Variants in SLITRK4 observed in about 807,000 individuals in gnomAD.
SLITRK4 encodes the protein SLIT and NTRK like family member 4, also known as SLIT and NTRK-like protein 4.
In SLITRK4, 7 loss-of-function variants were observed where a neutral mutation model predicts 34.7. The ratio of observed to expected loss-of-function variants is 0.20; its 90% CI spans 0.11 to 0.38. The LOEUF (loss-of-function observed/expected upper bound fraction) is 0.38. Ranked by LOEUF, SLITRK4 falls within the 10% of genes least tolerant of loss-of-function variation. The pLI, the probability that SLITRK4 is intolerant of heterozygous loss-of-function variation, is 1.00. For missense variants in SLITRK4, 474 were observed against 607.0 expected (o/e 0.78, Z 2.30); for synonymous variants, 237 against 246.2 (o/e 0.96, Z 0.35).
At position 143,624,571 on chromosome X, in the gene SLITRK4, T is replaced by G. The variant is rs1275336480; in HGVS notation, c.*4024A>C. ...GTTTTTTTTAACAGAGATTTAGCAG[T>G]TAAGTTGAATATAAACAGTAGGCTA... On this transcript the variant is annotated 3_prime_UTR_variant, in exon 2 of 2. Transcript: ENST00000356928. 9.0e-6 allele frequency: 1 copy of G among 111,107 alleles called. No homozygotes were observed. Among genetic ancestry groups the G allele is most frequent in the African/African-American group, 3.3e-5 (1 of 30,712 alleles). The allele number at this position is 111,107 out of a possible 1,213,427, so 9.2% of individuals were successfully genotyped here.
chrX:143,628,771 G>A lies in SLITRK4; in HGVS notation c.2338C>T (p.Arg780Cys), dbSNP rs782309385. Reference protein sequence around the residue: ...NSIGVSGFEIRYPEKQPDKKS... With the variant: ...NSIGVSGFEICYPEKQPDKKS... ...TTGTCTGGTTGTTTTTCTGGATAGCGGATCTCAAAGCCACTGACACCTATG... is the reference window on the plus strand; with the variant it reads ...TTGTCTGGTTGTTTTTCTGGATAGCAGATCTCAAAGCCACTGACACCTATG... The change falls in exon 2 of 2, where the codon CGC (arginine) becomes TGC (cysteine). Residue 780 changes from arginine (R) to cysteine (C), a missense_variant. Arg to Cys is a radical substitution (Grantham distance 180). Transcript: ENST00000356928. 17 of 1,208,988 alleles carry A rather than the reference G, an allele frequency of 1.4e-5. No individual in the cohort carries two copies. Among genetic ancestry groups the A allele is most frequent in the South Asian group, 1.1e-4 (6 of 56,617 alleles).
Position 143,627,838 on chromosome X carries a change from A to T in SLITRK4, c.*757T>A. ...TGTTAGTTTAATTTGAGCCATGTTT[A>T]ATTCTGATAAACGTCACATATTTCT... On this transcript the variant is annotated 3_prime_UTR_variant, in exon 2 of 2. Transcript: ENST00000356928. 1 of 123,194 alleles carries T rather than the reference A, an allele frequency of 8.1e-6. No individual in the cohort carries two copies. Among genetic ancestry groups the T allele is most frequent in the Non-Finnish European group, 1.7e-5 (1 of 59,902 alleles). 10.2% of individuals were successfully genotyped at this position (123,194 alleles called of 1,213,427 possible). A position where few individuals can be genotyped will look rare whatever the true frequency, so the allele number is the denominator to read the frequency against.
rs782497461 is a variant in SLITRK4 at position 143,628,091 on chromosome X, CTTTTTTTTTTTTTTTTTTT to C, written c.*485_*503del. 14 of 73,087 alleles carry C rather than the reference CTTTTTTTTTTTTTTTTTTT, an allele frequency of 1.9e-4. No homozygotes were observed. The highest frequency in any genetic ancestry group is 1.9e-3 in the South Asian group (1 of 534). 6.0% of individuals were successfully genotyped at this position (73,087 alleles called of 1,213,427 possible). A position where few individuals can be genotyped will look rare whatever the true frequency, so the allele number is the denominator to read the frequency against. Reference sequence around the variant, plus strand: ...CTATCGAGTGTTCTCTCTTTGCATGCTTTTTTTTTTTTTTTTTTTTTTTTTTTTTTTTTTTTACTTTTCA... The same window carrying C: ...CTATCGAGTGTTCTCTCTTTGCATGCTTTTTTTTTTTTTTTTTACTTTTCA... On this transcript the variant is annotated 3_prime_UTR_variant, in exon 2 of 2. Coordinates refer to ENST00000356928, the MANE Select transcript of SLITRK4 (RefSeq NM_001184749.3).
Position 143,625,736 on chromosome X carries a change from A to C in SLITRK4, c.*2859T>G, listed in dbSNP as rs1556425339. 1.8e-5 allele frequency: 2 copies of C among 111,818 alleles called. No individual in the cohort carries two copies. Among genetic ancestry groups the C allele is most frequent in the Non-Finnish European group, 3.8e-5 (2 of 52,923 alleles). The allele number at this position is 111,818 out of a possible 1,213,427, so 9.2% of individuals were successfully genotyped here. A position where few individuals can be genotyped will look rare whatever the true frequency, so the allele number is the denominator to read the frequency against. On this transcript the variant is annotated 3_prime_UTR_variant, in exon 2 of 2. Coordinates refer to ENST00000356928, the MANE Select transcript of SLITRK4 (RefSeq NM_001184749.3). ...CTCAAAACTTATACCTAACTACATT[A>C]TCATAAAATGTACAACTAGAACTAA...
intron 1 of SLITRK4, 31 bp from the exon 2 acceptor site, chrX:143,631,189 T>C: frequency 1.2e-6 from 1 of 803,710 alleles, no homozygotes; most frequent in Non-Finnish European, 1.7e-6. Context: ...ATTTTTTCAA[T>C]GGTCATTACT....
rs1930741436 is a variant in SLITRK4 at position 143,625,078 on chromosome X, C to T, written c.*3517G>A. ...CAAAAAATGTTATAGATTAATATTA[C>T]CACCATACATTTCTAGACGTGTTCT... On this transcript the variant is annotated 3_prime_UTR_variant, in exon 2 of 2. Transcript: ENST00000356928. The T allele has an allele frequency of 9.0e-6, 1 of 111,120 alleles. No homozygotes were observed. Among genetic ancestry groups the T allele is most frequent in the Non-Finnish European group, 1.9e-5 (1 of 52,731 alleles). 9.2% of individuals were successfully genotyped at this position (111,120 alleles called of 1,213,427 possible).
Position 143,631,043 on chromosome X carries a change from T to C in SLITRK4, c.66A>G (p.Ile22Met). 8.3e-7 allele frequency: 1 copy of C among 1,202,031 alleles called. No individual in the cohort carries two copies. The highest frequency in any genetic ancestry group is 1.1e-6 in the Non-Finnish European group (1 of 892,518). The change falls in exon 2 of 2, where the codon ATA (isoleucine) becomes ATG (methionine). Residue 22 changes from isoleucine to methionine, a missense_variant. Ile to Met is a conservative substitution (Grantham distance 10, BLOSUM62 1). Transcript: ENST00000356928. ...LISSTNADSD[I>M]SVEICNVCSC... ...AACACACATTGCAAATTTCCACCGA[T>C]ATGTCAGAATCTGCATTTGTCGAAG...
In SLITRK4 at chrX:143,630,866, A is replaced by G. The variant is rs782320707; in HGVS notation, c.243T>C (p.Asn81=). 6 of 1,205,818 alleles carry G rather than the reference A, an allele frequency of 5.0e-6. No homozygotes were observed. The highest frequency in any genetic ancestry group is 6.7e-6 in the Non-Finnish European group (6 of 894,005). Residue 81 remains asparagine, a synonymous_variant, in exon 2 of 2, where the codon AAT becomes AAC. Coordinates refer to ENST00000356928, the MANE Select transcript of SLITRK4 (RefSeq NM_001184749.3). ...LNILYPNTFL[N]FSHAVSLHLG... ...GATGCAGGGAGACTGCATGTGAAAA[A>G]TTCAAGAATGTATTTGGATACAGAA...
At position 143,627,928 on chromosome X, in the gene SLITRK4, A is replaced by G; in HGVS notation, c.*667T>C. Reference sequence around the variant, plus strand: ...TTCTTTTAGATTTTTATGTATAGACAGGTAATGCTTAAAGTGTTCAAATTT... The same window carrying G: ...TTCTTTTAGATTTTTATGTATAGACGGGTAATGCTTAAAGTGTTCAAATTT... On this transcript the variant is annotated 3_prime_UTR_variant, in exon 2 of 2. Transcript: ENST00000356928. 4.8e-6 allele frequency: 1 copy of G among 206,235 alleles called. No individual in the cohort carries two copies. The highest frequency in any genetic ancestry group is 8.8e-6 in the Non-Finnish European group (1 of 114,207). The allele number at this position is 206,235 out of a possible 1,213,427, so 17.0% of individuals were successfully genotyped here. A position where few individuals can be genotyped will look rare whatever the true frequency, so the allele number is the denominator to read the frequency against.
intron 1 of SLITRK4, among the ~76,000 whole-genome samples, chrX:143,635,385 A>G (rs1931203013): frequency 9.7e-6 from 1 of 102,987 alleles, no homozygotes; most frequent in African/African-American, 3.6e-5. Flanking sequence ...TGGAGACCCC[A>G]GTCCTCTAAC....
chrX:143,628,520 T>C lies in SLITRK4; in HGVS notation c.*75A>G. 3.6e-6 allele frequency: 3 copies of C among 837,266 alleles called. No homozygotes were observed. Among genetic ancestry groups the C allele is most frequent in the Non-Finnish European group, 5.1e-6 (3 of 591,490 alleles). 69.0% of individuals were successfully genotyped at this position (837,266 alleles called of 1,213,427 possible). A position where few individuals can be genotyped will look rare whatever the true frequency, so the allele number is the denominator to read the frequency against. ...TCCATGCCTATTGATAATATAGTAT[T>C]TGGAAGTTAGAAGTCAACAAAAGGC... On this transcript the variant is annotated 3_prime_UTR_variant, in exon 2 of 2. Transcript: ENST00000356928.
rs782110916 is a variant in SLITRK4, at chrX:143,631,130, C to T, written c.-22G>A. On this transcript the variant is annotated 5_prime_UTR_variant, in exon 2 of 2. Coordinates refer to ENST00000356928, the MANE Select transcript of SLITRK4 (RefSeq NM_001184749.3). ...ACATCTTCTTGCAATCAGCAAACAA[C>T]TGTATGCTTCTGAATAAAGAGAAAT... is the stretch of plus-strand genomic sequence containing the variant. 4.8e-6 allele frequency: 5 copies of T among 1,051,248 alleles called. No homozygotes were observed. The highest frequency in any genetic ancestry group is 6.4e-6 in the Non-Finnish European group (5 of 784,781). 86.6% of individuals were successfully genotyped at this position (1,051,248 alleles called of 1,213,427 possible).
In SLITRK4 at chrX:143,631,075, G is replaced by A. The variant is rs1556428385; in HGVS notation, c.34C>T (p.Leu12=). ...FLWLFLILSA[L]ISSTNADSDI... ...GAATCTGCATTTGTCGAAGAAATCA[G>A]GGCTGACAAAATCAGAAACAGCCAC... The change falls in exon 2 of 2, where the codon CTG becomes TTG. Residue 12 remains leucine (L), a synonymous_variant. Coordinates refer to ENST00000356928, the MANE Select transcript of SLITRK4 (RefSeq NM_001184749.3). 8.5e-7 allele frequency: 1 copy of A among 1,177,929 alleles called. No homozygotes were observed. Among genetic ancestry groups the A allele is most frequent in the East Asian group, 3.0e-5 (1 of 33,420 alleles).
Position 143,630,957 on chromosome X carries a change from G to C in SLITRK4, c.152C>G (p.Pro51Arg). 1 of 1,210,373 alleles carries C rather than the reference G, an allele frequency of 8.3e-7. No individual in the cohort carries two copies. Among genetic ancestry groups the C allele is most frequent in the Non-Finnish European group, 1.1e-6 (1 of 895,054 alleles). Residue 51 changes from proline (P) to arginine (R), a missense_variant, in exon 2 of 2, where the codon CCA becomes CGA. Pro to Arg is a moderately radical substitution (Grantham distance 103, BLOSUM62 -2). Coordinates refer to ENST00000356928, the MANE Select transcript of SLITRK4 (RefSeq NM_001184749.3). ...AGACCAAGGTGGTTTCAGCTGATTT[G>C]GTCTGTAGACTGAAACCTTCTCACA... ...VNCEKVSVYR[P>R]NQLKPPWSNF...
Position 143,629,408 on chromosome X carries a change from G to C in SLITRK4, c.1701C>G (p.Ala567=). ...TTTTGAGGGACTTCAGTTCAATGTT[G>C]GCAAACTGAACAGGCGTCTCACATT... ...ELKCETPVQF[A]NIELKSLKNE... Residue 567 remains alanine (A), a synonymous_variant, in exon 2 of 2, where the codon GCC becomes GCG. Transcript: ENST00000356928. 1 of 1,211,373 alleles carries C rather than the reference G, an allele frequency of 8.3e-7. No homozygotes were observed. Among genetic ancestry groups the C allele is most frequent in the Non-Finnish European group, 1.1e-6 (1 of 895,389 alleles).
rs782093034 is a variant in SLITRK4, at chrX:143,629,947, T to C, written c.1162A>G (p.Ser388Gly). 3 of 1,212,117 alleles carry C rather than the reference T, an allele frequency of 2.5e-6. No individual in the cohort carries two copies. Among genetic ancestry groups the C allele is most frequent in the East Asian group, 5.9e-5 (2 of 33,844 alleles). The change falls in exon 2 of 2, where the codon AGC (serine) becomes GGC (glycine). Residue 388 changes from serine to glycine, a missense_variant. Around this residue, in one of 3 missense-constraint regions of SLITRK4, gnomAD observed 345 missense variants for 406.5 expected, o/e 0.85. Coordinates refer to ENST00000356928, the MANE Select transcript of SLITRK4 (RefSeq NM_001184749.3). ...TCTGATACGTCCACATCCTTGATGC[T>C]ATTGCCATTGACGTGCAGCTTCTTC... The part of the protein sequence containing the change: ...NAKKLHVNGN[S>G]IKDVDVSDFT...
intron 1 of SLITRK4, chrX:143,634,826 G>C (rs1388768185): frequency 9.1e-6 from 1 of 110,097 alleles, no homozygotes; most frequent in Non-Finnish European, 1.9e-5. Context: ...GCGGGGAAGA[G>C]GCAGCACGCG....
rs1930797108 is a variant in SLITRK4 at position 143,626,703 on chromosome X, A to T, written c.*1892T>A. The T allele has an allele frequency of 9.2e-6, 1 of 108,629 alleles. No homozygotes were observed. Among genetic ancestry groups the T allele is most frequent in the Non-Finnish European group, 1.9e-5 (1 of 52,295 alleles). The allele number at this position is 108,629 out of a possible 1,213,427, so 9.0% of individuals were successfully genotyped here. ...AAAAAATATGCCACTTGCAATCATG[A>T]GGAATGGCTATGTTTACCTTCTTGG... is the stretch of plus-strand genomic sequence containing the variant. On this transcript the variant is annotated 3_prime_UTR_variant, in exon 2 of 2. Transcript: ENST00000356928.
Position 143,630,443 on chromosome X carries a change from C to A in SLITRK4, c.666G>T (p.Leu222Phe), listed in dbSNP as rs782683782. 4.1e-6 allele frequency: 5 copies of A among 1,209,761 alleles called. No homozygotes were observed. The African/African-American group carries it at 8.8e-5, about 21-fold the overall frequency. The change falls in exon 2 of 2, where the codon TTG becomes TTT. Residue 222 changes from leucine (L) to phenylalanine (F), a missense_variant. This residue lies in a region of SLITRK4 where 45 missense variants were observed against 99.2 expected (regional missense o/e 0.45). Coordinates refer to ENST00000356928, the MANE Select transcript of SLITRK4 (RefSeq NM_001184749.3). ...DNPWNCSCDL[L>F]PLKAWLENMP... ...TGTTCTCCAGCCAAGCTTTTAAGGG[C>A]AATAAATCACAGCTACAGTTCCAAG...
Sources: allele counts gnomAD v4.1 joint callset (sites outside exome capture counted in the v4.1 genomes callset), GRCh38; gene constraint gnomAD v4.1.1; regional missense constraint gnomAD v4.1.1; transcripts MANE v1.5; gene names NCBI Gene and HGNC (gene_info 2026-07-23, HGNC 2026-07-21).